The following MINPP1 variants were observed in gnomAD, a reference collection of about 807,000 sequenced individuals.
MINPP1 encodes the protein multiple inositol-polyphosphate phosphatase 1.
A neutral mutation model predicts 46.1 loss-of-function variants in MINPP1; 28 were observed. The observed-to-expected ratio is 0.61, with a 90% confidence interval of 0.45 to 0.83. The LOEUF is 0.83. MINPP1 is among the 40% of genes least tolerant of loss of function. The probability of loss-of-function intolerance (pLI) is 0.00; values close to 1 mark genes in which losing one functional copy is unlikely to be tolerated. For missense variants in MINPP1, 603 were observed against 610.0 expected (o/e 0.99, Z 0.12); for synonymous variants, 268 against 249.1 (o/e 1.08, Z -0.72).
At chr10:87,531,654 T>G (rs888091549) in intron 4 of MINPP1, among the ~76,000 whole-genome samples, 1 of 152,112 alleles carries the variant, frequency 6.6e-6, no homozygotes, top group Non-Finnish European at 1.5e-5. Context: ...TACTCCAAAC[T>G]CCAAAACTTT....
chr10:87,543,940 A>G (rs1197690326), intron 4 of MINPP1, among the ~76,000 whole-genome samples: 2 of 152,196 alleles, frequency 1.3e-5, no homozygotes, highest in South Asian at 4.1e-4. Flanking sequence ...CATCCAAACT[A>G]TATCAACTTC....
chr10:87,514,809 G>A (rs183038248), intron 3 of MINPP1, among the ~76,000 whole-genome samples: 10 of 152,086 alleles, frequency 6.6e-5, no homozygotes, highest in African/African-American at 1.9e-4. Flanking sequence ...TCTGCCTCCC[G>A]GATTCAAGTG....
chr10:87,526,617 G>GC (rs1851580804), intron 4 of MINPP1, among the ~76,000 whole-genome samples: 1 of 152,138 alleles, frequency 6.6e-6, no homozygotes, highest in South Asian at 2.1e-4. Flanking sequence ...TGAAGTCCTT[G>GC]CCCATGCCTA....
At chr10:87,537,393 A>G (rs1851751416) in intron 4 of MINPP1, among the ~76,000 whole-genome samples, 1 of 151,662 alleles carries the variant, frequency 6.6e-6, no homozygotes, top group African/African-American at 2.4e-5. Flanking sequence ...TTTAGTTTGC[A>G]TTTTCATAAT....
intron 4 of MINPP1, among the ~76,000 whole-genome samples, chr10:87,542,444 A>G (rs926140334): frequency 6.6e-6 from 1 of 151,778 alleles, no homozygotes; most frequent in African/African-American, 2.4e-5. Flanking sequence ...GGACCTCAGG[A>G]GTGCACCACC....
intron 1 of MINPP1, 130 bp from the exon 2 acceptor site, chr10:87,508,206 T>C (rs1257274779): frequency 6.5e-7 from 1 of 1,549,708 alleles, no homozygotes; most frequent in Non-Finnish European, 8.7e-7. Flanking sequence ...CTGACCAATA[T>C]GTGCTTATTT....
At chr10:87,537,511 T>TTGTGTGTGTG (rs1554853571) in intron 4 of MINPP1, among the ~76,000 whole-genome samples, 9 of 85,104 alleles carry the variant, frequency 1.1e-4, no homozygotes, top group African/African-American at 2.5e-4. Context: ...TTATTACTGT[T>TTGTGTGTGTG]TGTGTGTGTG....
Position 87,504,943 on chromosome 10 carries a change from C to G in MINPP1, c.28C>G (p.Arg10Gly), listed in dbSNP as rs766349719. MLRAPGCLL[R>G]TSVAPAAALA... ...GCTACGCGCGCCCGGCTGCCTCCTCCGGACCTCCGTAGCGCCTGCCGCGGC... is the reference window on the plus strand; with the variant it reads ...GCTACGCGCGCCCGGCTGCCTCCTCGGGACCTCCGTAGCGCCTGCCGCGGC... The change falls in exon 1 of 5, where the codon CGG (arginine) becomes GGG (glycine). Residue 10 changes from arginine (R) to glycine (G), a missense_variant. Coordinates refer to ENST00000371996, the MANE Select transcript of MINPP1 (RefSeq NM_004897.5). 2 of 1,611,366 alleles carry G rather than the reference C, an allele frequency of 1.2e-6. No homozygotes were observed. The highest frequency in any genetic ancestry group is 1.7e-6 in the Non-Finnish European group (2 of 1,179,402).
At chr10:87,527,860 TATTA>T (rs1314728425) in intron 4 of MINPP1, among the ~76,000 whole-genome samples, 1 of 152,196 alleles carries the variant, frequency 6.6e-6, no homozygotes, top group Non-Finnish European at 1.5e-5. Flanking sequence ...GTTGGTAGGC[TATTA>T]ATTATTGCCT....
chr10:87,527,397 G>C (rs10047394), intron 4 of MINPP1, among the ~76,000 whole-genome samples: 107,357 of 151,986 alleles, frequency 0.71, 38,194 homozygotes, highest in African/African-American at 0.78. Context: ...GTATGATATT[G>C]GTTGTGGGTT....
rs746047331 is a variant in MINPP1 at position 87,508,286 on chromosome 10, T to G, written c.638-50T>G. 6.9e-6 allele frequency: 11 copies of G among 1,597,702 alleles called. No homozygotes were observed. In the East Asian group the frequency reaches 2.5e-4, roughly 36 times the overall value. On this transcript the variant is annotated intron_variant, in intron 1 of 4. Coordinates refer to ENST00000371996, the MANE Select transcript of MINPP1 (RefSeq NM_004897.5). ...TAACATTTTCAATAATTTGAAACTG[T>G]CATTTATGTCAGTGATTTACAAATA...
intron 3 of MINPP1, among the ~76,000 whole-genome samples, chr10:87,514,371 C>T (rs1223478519): frequency 6.6e-6 from 1 of 152,136 alleles, no homozygotes; most frequent in Admixed American, 6.5e-5. Context: ...AATGTACAGT[C>T]AACTTTCAAA....
chr10:87,507,889 A>G (rs1044582724), intron 1 of MINPP1: 2 of 1,137,018 alleles, frequency 1.8e-6, no homozygotes, highest in African/African-American at 1.6e-5. Context: ...GTAAAGTAAT[A>G]CAGAGTTGGG....
At chr10:87,510,317 C>T (rs1318645844) in intron 2 of MINPP1, among the ~76,000 whole-genome samples, 1 of 152,138 alleles carries the variant, frequency 6.6e-6, no homozygotes, top group Non-Finnish European at 1.5e-5. Context: ...TTTTACTTAA[C>T]AATATATTTG....
chr10:87,512,621 C>T (rs1489583712), intron 2 of MINPP1, among the ~76,000 whole-genome samples: 1 of 152,196 alleles, frequency 6.6e-6, no homozygotes, highest in Admixed American at 6.5e-5. Flanking sequence ...CTTAGCCCCC[C>T]TCCTTGAACC....
intron 4 of MINPP1, among the ~76,000 whole-genome samples, chr10:87,547,209 C>T (rs1433398166): frequency 5.3e-5 from 8 of 152,114 alleles, no homozygotes; most frequent in Non-Finnish European, 1.2e-4. Context: ...CCCCCTGGGT[C>T]AAGTGATTCT....
chr10:87,537,832 C>T (rs934367443), intron 4 of MINPP1, among the ~76,000 whole-genome samples: 4 of 151,604 alleles, frequency 2.6e-5, no homozygotes, highest in African/African-American at 9.7e-5. Context: ...AACAGTGGTG[C>T]GATCATAGCT....
chr10:87,536,219 C>CA (rs147173441), intron 4 of MINPP1, among the ~76,000 whole-genome samples: 3,990 of 152,192 alleles, frequency 0.026, 172 homozygotes, highest in African/African-American at 0.087. Flanking sequence ...TCTCCAAACT[C>CA]AAAGTTTAGA....
intron 3 of MINPP1, among the ~76,000 whole-genome samples, chr10:87,518,689 T>C (rs1851450201): frequency 1.3e-5 from 2 of 152,232 alleles, no homozygotes; most frequent in African/African-American, 4.8e-5. Flanking sequence ...TCTGTTCAGC[T>C]GGCTTCAAGT....
Sources: gnomAD v4.1 joint callset for allele counts (sites outside exome capture counted in the v4.1 genomes callset) on GRCh38, gnomAD v4.1.1 for gene constraint, MANE v1.5 for transcripts, NCBI Gene and HGNC (gene_info 2026-07-23, HGNC 2026-07-21) for gene names.